UPF2: variants seen among roughly 807,000 people sequenced by gnomAD.
UPF2 encodes the protein regulator of nonsense transcripts 2.
Under a neutral mutation model 141.4 loss-of-function variants are expected in UPF2, and 17 were observed. That is an observed-to-expected ratio of 0.12 (90% CI 0.08 to 0.18). UPF2 has a LOEUF of 0.18. Among genes scored for constraint, UPF2 ranks in the 10% least tolerant of loss-of-function variants. The pLI is 1.00. For missense variants in UPF2, 1,152 were observed against 1,515.9 expected (o/e 0.76, Z 3.99); for synonymous variants, 540 against 498.0 (o/e 1.08, Z -1.12).
chr10:11,925,589 G>A (rs1832702101), intron 21 of UPF2, among the ~76,000 whole-genome samples: 10 of 152,234 alleles, frequency 6.6e-5, no homozygotes, highest in Admixed American at 6.5e-4. Context: ...AATCTCATGG[G>A]GAATAGAGAC....
At position 11,939,580 on chromosome 10, in the gene UPF2, T is replaced by A. The variant is rs906269171; in HGVS notation, c.3379-2868A>T. Among the ~76,000 whole-genome samples the A allele has an allele frequency of 2.0e-5, 3 of 151,986 alleles. No individual in the cohort carries two copies. The highest frequency in any genetic ancestry group is 3.2e-3 in the Middle Eastern group (1 of 316). On this transcript the variant is annotated intron_variant, in intron 18 of 21. Coordinates refer to ENST00000357604, the MANE Select transcript of UPF2 (RefSeq NM_015542.4). This position sits in a 1 kb window ranked among gnomAD's most constrained non-coding sequence, Gnocchi z 4.8. The stretch of plus-strand genomic sequence containing the variant: ...CCCCGGCTGGAGTGCAATGGCGTGA[T>A]CTCGGCTCACTGCAACCTCCACCTC...
Position 11,992,796 on chromosome 10 carries a change from T to C in UPF2, c.1844+4876A>G, listed in dbSNP as rs1833801035. ...TAAAATGATTCTGAAAGATGGAATA[T>C]AAAATAAAGGGCACAGGTATACCAA... On this transcript the variant is annotated intron_variant, in intron 8 of 21. Coordinates refer to ENST00000357604, the MANE Select transcript of UPF2 (RefSeq NM_015542.4). The surrounding 1 kb of genome is among the most constrained non-coding windows in gnomAD (Gnocchi z 4.1). 1.3e-5 allele frequency among the ~76,000 whole-genome samples: 2 copies of C among 151,994 alleles called. No individual in the cohort carries two copies. Among genetic ancestry groups the C allele is most frequent in the African/African-American group, 4.8e-5 (2 of 41,360 alleles).
intron 8 of UPF2, among the ~76,000 whole-genome samples, chr10:11,988,868 T>C (rs745408896): frequency 1.3e-5 from 2 of 152,140 alleles, no homozygotes; most frequent in African/African-American, 4.8e-5. Flanking sequence ...ACTCAAAGGA[T>C]AGAGAAAGCT....
chr10:11,952,369 C>CACTT, intron 14 of UPF2, 120 bp from the exon 15 acceptor site: 3 of 855,034 alleles, frequency 3.5e-6, no homozygotes, highest in Non-Finnish European at 5.1e-6. Flanking sequence ...TTATAAAAGA[C>CACTT]ACTTACCATT....
At chr10:12,034,015 C>A (rs1210212152) in intron 2 of UPF2, among the ~76,000 whole-genome samples, 2 of 152,192 alleles carry the variant, frequency 1.3e-5, no homozygotes, top group Admixed American at 6.5e-5. Context: ...GAATGGAAGG[C>A]ATTGTGGAAT....
intron 10 of UPF2, 76 bp from the exon 11 acceptor site, chr10:11,964,201 A>G: frequency 1.8e-6 from 2 of 1,082,608 alleles, no homozygotes; most frequent in Non-Finnish European, 1.3e-6. Flanking sequence ...CATACATCTA[A>G]TGTGTGTAAC....
At chr10:11,969,171 T>C (rs1316083962) in intron 9 of UPF2, among the ~76,000 whole-genome samples, 1 of 151,784 alleles carries the variant, frequency 6.6e-6, no homozygotes, top group Non-Finnish European at 1.5e-5. Flanking sequence ...CTAGAACTTT[T>C]TTTTTTCTTT....
At chr10:12,036,824 G>A (rs1834633992) in intron 1 of UPF2, among the ~76,000 whole-genome samples, 1 of 152,106 alleles carries the variant, frequency 6.6e-6, no homozygotes, top group Admixed American at 6.6e-5. Flanking sequence ...TCGAGAGTTC[G>A]AGACCAACCT....
intron 18 of UPF2, among the ~76,000 whole-genome samples, chr10:11,937,555 G>A (rs535481982): frequency 5.9e-5 from 9 of 152,320 alleles, no homozygotes; most frequent in African/African-American, 9.6e-5. Flanking sequence ...TGGGGAATGC[G>A]GAGGGAATCG....
chr10:11,946,920 A>G (rs1481311888), intron 16 of UPF2, among the ~76,000 whole-genome samples: 1 of 152,224 alleles, frequency 6.6e-6, no homozygotes, highest in Non-Finnish European at 1.5e-5. Flanking sequence ...CTGAAGAATC[A>G]TGGGCCAAAT....
chr10:12,017,778 A>G (rs1042290446), intron 3 of UPF2, among the ~76,000 whole-genome samples: 13 of 152,160 alleles, frequency 8.5e-5, no homozygotes, highest in African/African-American at 3.1e-4. Context: ...GTTCTGGGAT[A>G]CATGTGCAAA....
At chr10:12,011,652 A>ATT (rs35381596) in intron 4 of UPF2, among the ~76,000 whole-genome samples, 58,082 of 151,638 alleles carry the variant, frequency 0.38, 13,464 homozygotes, top group Non-Finnish European at 0.51. Context: ...CTAAAAATAC[A>ATT]TTTAAAGTCA....
chr10:11,985,364 G>A (rs1227202777), intron 8 of UPF2, among the ~76,000 whole-genome samples: 1 of 152,134 alleles, frequency 6.6e-6, no homozygotes, highest in Non-Finnish European at 1.5e-5. Flanking sequence ...CTGGCCGGGT[G>A]CAGTGGCTCA....
chr10:11,962,784 T>C lies in UPF2; in HGVS notation c.2184+1225A>G, dbSNP rs181749405. On this transcript the variant is annotated intron_variant, in intron 11 of 21. Transcript: ENST00000357604. ...CTCCTTATAAGCTAGTGCGTGCCTA[T>C]CCTCCTCTCCAGTTTTACCTGCAGC... Among the ~76,000 whole-genome samples, 275 of 152,260 alleles carry C rather than the reference T, an allele frequency of 1.8e-3. 3 individuals carry two copies. The highest frequency in any genetic ancestry group is 6.3e-3 in the African/African-American group (261 of 41,556).
chr10:12,010,087 T>C (rs1029851946), intron 4 of UPF2, among the ~76,000 whole-genome samples: 1 of 152,190 alleles, frequency 6.6e-6, no homozygotes, highest in African/African-American at 2.4e-5. Context: ...AAATTAGCTT[T>C]AGATTAAAGG....
At chr10:12,026,140 A>G (rs1834415640) in intron 3 of UPF2, among the ~76,000 whole-genome samples, 1 of 152,154 alleles carries the variant, frequency 6.6e-6, no homozygotes, top group African/African-American at 2.4e-5. Context: ...AGCTTTCATA[A>G]AGCTAAAATA....
chr10:12,005,713 C>T (rs113090213), intron 4 of UPF2, among the ~76,000 whole-genome samples: 33,276 of 151,944 alleles, frequency 0.22, 3,985 homozygotes, highest in East Asian at 0.46. Flanking sequence ...GGATTACAGG[C>T]GCCCGCCACC....
chr10:11,952,706 C>T (rs1447568718), intron 14 of UPF2, among the ~76,000 whole-genome samples: 1 of 151,998 alleles, frequency 6.6e-6, no homozygotes, highest in Non-Finnish European at 1.5e-5. Context: ...AATCTCCTGA[C>T]CTCGTGATCC....
chr10:11,997,455 A>T (rs1833882813), intron 8 of UPF2, among the ~76,000 whole-genome samples: 1 of 152,338 alleles, frequency 6.6e-6, no homozygotes, highest in Non-Finnish European at 1.5e-5. Flanking sequence ...ATTTTATTTT[A>T]AAATAATTAG....
Sources: gnomAD v4.1 joint callset for allele counts (sites outside exome capture counted in the v4.1 genomes callset) on GRCh38, gnomAD v4.1.1 for gene constraint, Gnocchi (gnomAD v3.1) non-coding constraint, MANE v1.5 for transcripts, NCBI Gene and HGNC (gene_info 2026-07-23, HGNC 2026-07-21) for gene names.